Variants in CNTN5 observed in about 807,000 individuals in gnomAD.
The protein encoded by CNTN5 is contactin 5, also known as contactin-5.
In CNTN5, 77 loss-of-function variants were observed where a neutral mutation model predicts 129.1. The observed-to-expected ratio is 0.60, with a 90% CI of 0.50 to 0.72. CNTN5 has a LOEUF of 0.72. CNTN5 is among the 30% of genes least tolerant of loss of function. CNTN5 has a pLI of 0.00. For missense variants in CNTN5, 1,478 were observed against 1,328.8 expected, an observed-to-expected ratio of 1.11 and a Z score of -1.75; for synonymous variants, 509 against 465.6, an observed-to-expected ratio of 1.09 and a Z score of -1.20.
chr11:99,883,340 A>G (rs1948820384), intron 6 of CNTN5, among the ~76,000 whole-genome samples: 2 of 152,156 alleles, frequency 1.3e-5, no homozygotes, highest in Admixed American at 6.5e-5. Context: ...CCAACAGTGT[A>G]TGAGGGTCCC....
chr11:99,584,868 T>A (rs1207173882), intron 3 of CNTN5, among the ~76,000 whole-genome samples: 5 of 152,234 alleles, frequency 3.3e-5, no homozygotes, highest in Non-Finnish European at 7.3e-5. Flanking sequence ...CAGGCTTGCA[T>A]ACTTGGTGGA....
intron 2 of CNTN5, among the ~76,000 whole-genome samples, chr11:99,394,510 T>G (rs1941420060): frequency 6.6e-6 from 1 of 150,922 alleles, no homozygotes. Flanking sequence ...TATTATATAA[T>G]TTTCTTTTTT....
intron 2 of CNTN5, among the ~76,000 whole-genome samples, chr11:99,460,489 A>G (rs1019493958): frequency 6.6e-6 from 1 of 151,960 alleles, no homozygotes; most frequent in African/African-American, 2.4e-5. Flanking sequence ...AAACAAACAC[A>G]TAAGGAATAC....
At chr11:99,929,798 C>T (rs890095848) in intron 7 of CNTN5, among the ~76,000 whole-genome samples, 3 of 152,096 alleles carry the variant, frequency 2.0e-5, no homozygotes, top group East Asian at 1.9e-4. Context: ...ACAGTCAAAC[C>T]ATATCACCTA....
At position 100,255,883 on chromosome 11, in the gene CNTN5, G is replaced by GC; in HGVS notation, c.2132dup (p.Phe712IlefsTer34). 6.2e-7 allele frequency: 1 copy of GC among 1,613,884 alleles called. No individual in the cohort carries two copies. Among genetic ancestry groups the GC allele is most frequent in the South Asian group, 1.1e-5 (1 of 91,084 alleles). ...TCCTCCTACAACCTTCAAGCTCGCA[G>GC]CCCATTTTCCCTGGGCTGGCAAACA... On this transcript the variant is annotated frameshift_variant, in exon 17 of 25. Transcript: ENST00000524871. LOFTEE classifies it high-confidence loss of function.
chr11:99,951,320 A>AT (rs1363069462), intron 7 of CNTN5, among the ~76,000 whole-genome samples: 2 of 151,920 alleles, frequency 1.3e-5, no homozygotes, highest in Non-Finnish European at 2.9e-5. Context: ...TCTTATGCTA[A>AT]TTTTTTCCCA....
rs200403626 is a variant in CNTN5 at position 100,061,268 on chromosome 11, G to A, written c.1037G>A (p.Arg346His). The A allele has an allele frequency of 5.3e-5, 85 of 1,613,638 alleles. No homozygotes were observed. Among genetic ancestry groups the A allele is most frequent in the East Asian group, 2.2e-4 (10 of 44,864 alleles). The change falls in exon 10 of 25, where the codon CGT becomes CAT. Residue 346 changes from arginine (R) to histidine (H), a missense_variant. Arg to His is a conservative substitution (Grantham distance 29, BLOSUM62 0). Coordinates refer to ENST00000524871, the MANE Select transcript of CNTN5 (RefSeq NM_014361.4). ...KVNGYIPSKA[R>H]LRKSQAVLEI... is the part of the protein sequence containing the mutation. ...AATGGTTATATTCCTAGTAAGGCAC[G>A]TCTGCGGAAATCTCAGGCGGTGCTG...
At chr11:99,832,801 G>A (rs1330510089) in intron 4 of CNTN5, among the ~76,000 whole-genome samples, 1 of 152,060 alleles carries the variant, frequency 6.6e-6, no homozygotes, top group African/African-American at 2.4e-5. Context: ...GGGCATGATA[G>A]GCTGCTATTT....
intron 3 of CNTN5, among the ~76,000 whole-genome samples, chr11:99,660,132 A>G: frequency 6.6e-6 from 1 of 152,272 alleles, no homozygotes; most frequent in Middle Eastern, 3.4e-3. Context: ...ACCTGAATCT[A>G]TAAAGTTCTG....
intron 6 of CNTN5, among the ~76,000 whole-genome samples, chr11:99,881,885 T>A (rs1036403214): frequency 6.6e-6 from 1 of 152,246 alleles, no homozygotes; most frequent in Non-Finnish European, 1.5e-5. Context: ...TCCAAGTAAG[T>A]TACTCCTATC....
chr11:99,758,359 G>C (rs1329868338), intron 3 of CNTN5, among the ~76,000 whole-genome samples: 2 of 152,010 alleles, frequency 1.3e-5, no homozygotes. Flanking sequence ...TGCTTACAAA[G>C]AACTTATACT....
chr11:99,261,872 C>T (rs1439897723), intron 1 of CNTN5, among the ~76,000 whole-genome samples: 1 of 152,062 alleles, frequency 6.6e-6, no homozygotes, highest in Non-Finnish European at 1.5e-5. Flanking sequence ...CCTGTAAATT[C>T]TCATACTGTA....
intron 21 of CNTN5, among the ~76,000 whole-genome samples, chr11:100,326,150 T>A (rs1951782803): frequency 6.6e-6 from 1 of 152,128 alleles, no homozygotes; most frequent in South Asian, 2.1e-4. Context: ...TGCTTCAGAG[T>A]ACAAACTTGA....
At chr11:99,809,022 C>G (rs1946352755) in intron 3 of CNTN5, among the ~76,000 whole-genome samples, 2 of 152,130 alleles carry the variant, frequency 1.3e-5, no homozygotes, top group South Asian at 4.1e-4. Context: ...AGTGTACCCA[C>G]ACAAGTAGGA....
At chr11:99,572,685 C>T (rs1949212308) in intron 3 of CNTN5, among the ~76,000 whole-genome samples, 1 of 152,012 alleles carries the variant, frequency 6.6e-6, no homozygotes, top group African/African-American at 2.4e-5. Context: ...GTCCATAGAT[C>T]TATTATACTG....
At chr11:100,250,925 G>A (rs1002112252) in intron 16 of CNTN5, among the ~76,000 whole-genome samples, 3 of 152,164 alleles carry the variant, frequency 2.0e-5, no homozygotes, top group Non-Finnish European at 2.9e-5. Context: ...CACATAGGCG[G>A]TTGTTAAATG....
At chr11:100,288,491 C>A (rs1411335790) in intron 18 of CNTN5, among the ~76,000 whole-genome samples, 1 of 152,162 alleles carries the variant, frequency 6.6e-6, no homozygotes, top group East Asian at 1.9e-4. Flanking sequence ...AACTGAACAA[C>A]CTGCTCCTGA....
At chr11:99,310,831 T>A (rs1865081205) in intron 1 of CNTN5, among the ~76,000 whole-genome samples, 1 of 152,170 alleles carries the variant, frequency 6.6e-6, no homozygotes, top group African/African-American at 2.4e-5. Context: ...TTGGTGACTC[T>A]CTATTGGTTG....
chr11:99,672,663 T>C (rs951383185), intron 3 of CNTN5, among the ~76,000 whole-genome samples: 5 of 150,466 alleles, frequency 3.3e-5, no homozygotes, highest in Non-Finnish European at 7.4e-5. Context: ...CTGTGTCAAC[T>C]CTCTCCAATT....
Sources: gnomAD v4.1 joint callset for allele counts (sites outside exome capture counted in the v4.1 genomes callset) on GRCh38, gnomAD v4.1.1 for gene constraint, MANE v1.5 for transcripts, NCBI Gene and HGNC (gene_info 2026-07-23, HGNC 2026-07-21) for gene names.